FARP2: variants seen among roughly 807,000 people sequenced by gnomAD.
The protein encoded by FARP2 is FERM, ARH/RhoGEF and pleckstrin domain protein 2, also known as FERM, ARHGEF and pleckstrin domain-containing protein 2.
A neutral mutation model predicts 130.5 loss-of-function variants in FARP2; 111 were observed. That is an observed-to-expected ratio of 0.85 (90% confidence interval 0.73 to 1.00). The LOEUF (loss-of-function observed/expected upper bound fraction) is 1.00, where lower values mean the gene tolerates loss of function less well. Ranked by LOEUF, FARP2 falls within the 50% of genes least tolerant of loss-of-function variation. The probability of loss-of-function intolerance (pLI) is 0.00; values close to 1 mark genes in which losing one functional copy is unlikely to be tolerated. For missense variants in FARP2, 1,385 were observed against 1,346.3 expected, an observed-to-expected ratio of 1.03 and a Z score of -0.45; for synonymous variants, 504 against 516.9, an observed-to-expected ratio of 0.98 and a Z score of 0.34.
At chr2:241,366,315 G>A (rs879306704) in intron 1 of FARP2, among the ~76,000 whole-genome samples, 2 of 151,370 alleles carry the variant, frequency 1.3e-5, no homozygotes, top group Non-Finnish European at 2.9e-5. Context: ...GAAGTGTTGA[G>A]AATCAGTTAT....
At chr2:241,418,714 A>AG (rs764420492) in intron 8 of FARP2, among the ~76,000 whole-genome samples, 23 of 152,178 alleles carry the variant, frequency 1.5e-4, no homozygotes, top group Non-Finnish European at 3.1e-4. Context: ...ATTTGTGGTT[A>AG]TGTGTGTGTA....
chr2:241,366,131 A>ATACACATATATATATATGTGTG (rs2061313462), intron 1 of FARP2, among the ~76,000 whole-genome samples: 1 of 136,038 alleles, frequency 7.4e-6, no homozygotes, highest in Non-Finnish European at 1.6e-5. Context: ...ACGTATATAT[A>ATACACATATATATATATGTGTG]TATATATACA....
intron 8 of FARP2, among the ~76,000 whole-genome samples, chr2:241,430,017 G>A (rs759327653): frequency 6.6e-5 from 10 of 152,160 alleles, no homozygotes; most frequent in Admixed American, 2.0e-4. Context: ...CACTATGATG[G>A]TTGCCCAATG....
intron 2 of FARP2, among the ~76,000 whole-genome samples, chr2:241,388,631 C>G (rs1251716801): frequency 2.6e-5 from 4 of 152,066 alleles, no homozygotes; most frequent in African/African-American, 9.7e-5. Context: ...TTTAAAATAA[C>G]TCTTATAGCC....
At chr2:241,427,549 A>G (rs1035094984) in intron 8 of FARP2, among the ~76,000 whole-genome samples, 2 of 152,056 alleles carry the variant, frequency 1.3e-5, no homozygotes, top group African/African-American at 2.4e-5. Context: ...ATACTACACC[A>G]TTTTCTATCA....
intron 2 of FARP2, among the ~76,000 whole-genome samples, chr2:241,375,185 T>C (rs1184552079): frequency 1.3e-5 from 2 of 152,098 alleles, no homozygotes; most frequent in African/African-American, 4.8e-5. Context: ...TCCCCTGACC[T>C]CGTGATCCGC....
intron 2 of FARP2, among the ~76,000 whole-genome samples, chr2:241,378,887 A>G (rs1337499430): frequency 6.6e-6 from 1 of 152,190 alleles, no homozygotes; most frequent in Non-Finnish European, 1.5e-5. Context: ...TATCTAGGAA[A>G]GTCTTGATTT....
At chr2:241,481,037 A>T (rs1172254668) in intron 19 of FARP2, among the ~76,000 whole-genome samples, 2 of 143,072 alleles carry the variant, frequency 1.4e-5, no homozygotes, top group African/African-American at 5.3e-5. Context: ...TGGGCAACAT[A>T]CTGATACCTT....
intron 13 of FARP2, among the ~76,000 whole-genome samples, chr2:241,452,952 A>AG (rs2063703846): frequency 1.3e-5 from 2 of 151,606 alleles, no homozygotes; most frequent in African/African-American, 4.8e-5. Context: ...CAAAAAAAAA[A>AG]AAGAAAAATG....
Position 241,434,138 on chromosome 2 carries a change from C to T in FARP2, c.868-20C>T. The T allele has an allele frequency of 6.4e-7, 1 of 1,573,172 alleles. No homozygotes were observed. The highest frequency in any genetic ancestry group is 8.7e-7 in the Non-Finnish European group (1 of 1,155,874). On this transcript the variant is annotated intron_variant, in intron 9 of 26. Coordinates refer to ENST00000264042, the MANE Select transcript of FARP2 (RefSeq NM_014808.4). ...AATACTTCATTCTTGAATTAATTAA[C>T]CTTTGTGTTTTGTTTCTAGGGACCT...
At chr2:241,414,496 C>A (rs188981570) in intron 7 of FARP2, among the ~76,000 whole-genome samples, 6 of 152,320 alleles carry the variant, frequency 3.9e-5, no homozygotes, top group African/African-American at 1.4e-4. Flanking sequence ...TGCCCTTTCA[C>A]ACCTTCAAAG....
rs934448883 is a variant in FARP2 at position 241,459,568 on chromosome 2, A to G, written c.1587+2646A>G. Reference sequence around the variant, plus strand: ...ATCGGCCACAGTCGAAAGGTAGGAAAGCCAAAGGTGGCAGAAGCCTCTTCC... The same window carrying G: ...ATCGGCCACAGTCGAAAGGTAGGAAGGCCAAAGGTGGCAGAAGCCTCTTCC... On this transcript the variant is annotated intron_variant, in intron 14 of 26. Transcript: ENST00000264042. The surrounding 1 kb of genome is among the most constrained non-coding windows in gnomAD (Gnocchi z 5.3). 6.6e-6 allele frequency among the ~76,000 whole-genome samples: 1 copy of G among 152,234 alleles called. No homozygotes were observed. The highest frequency in any genetic ancestry group is 2.4e-5 in the African/African-American group (1 of 41,462).
intron 19 of FARP2, among the ~76,000 whole-genome samples, chr2:241,480,169 C>A (rs1297398151): frequency 1.3e-5 from 2 of 152,186 alleles, no homozygotes; most frequent in African/African-American, 2.4e-5. Context: ...TGCAGACTGA[C>A]CACCAGCTGC....
intron 13 of FARP2, chr2:241,442,119 GGGTC>G (rs1436798725): frequency 7.3e-6 from 3 of 409,172 alleles, no homozygotes; most frequent in Non-Finnish European, 1.5e-5. Context: ...AGCGCCTGCT[GGGTC>G]CTTCTGAGAC....
At chr2:241,490,477 T>C (rs889727509) in intron 22 of FARP2, among the ~76,000 whole-genome samples, 16 of 152,200 alleles carry the variant, frequency 1.1e-4, no homozygotes, top group African/African-American at 3.9e-4. Context: ...CCAGTCCCAG[T>C]GTGGTATAGA....
intron 15 of FARP2, among the ~76,000 whole-genome samples, 164 bp from the exon 16 acceptor site, chr2:241,463,171 G>A (rs762885448): frequency 6.6e-6 from 1 of 152,286 alleles, no homozygotes; most frequent in South Asian, 2.1e-4. Context: ...TTGAAAACTG[G>A]ATGGTCAACA....
intron 1 of FARP2, among the ~76,000 whole-genome samples, chr2:241,362,605 A>AAT (rs893218938): frequency 2.7e-4 from 41 of 151,764 alleles, no homozygotes; most frequent in South Asian, 1.5e-3. Flanking sequence ...CCATCTCAAA[A>AAT]ATATATATAT....
intron 2 of FARP2, among the ~76,000 whole-genome samples, chr2:241,402,836 T>TTATTTATA (rs2062206393): frequency 5.9e-5 from 1 of 16,840 alleles, no homozygotes; most frequent in Non-Finnish European, 1.1e-4. Context: ...CCCAGCTAAT[T>TTATTTATA]TATATATATA....
intron 13 of FARP2, 123 bp from the exon 14 acceptor site, chr2:241,456,624 C>T: frequency 1.2e-6 from 1 of 849,952 alleles, no homozygotes; most frequent in Non-Finnish European, 1.9e-6. Context: ...ACACATTTTA[C>T]AGGAAGCGCC....
Sources: gnomAD v4.1 joint callset for allele counts (sites outside exome capture counted in the v4.1 genomes callset) on GRCh38, gnomAD v4.1.1 for gene constraint, Gnocchi (gnomAD v3.1) non-coding constraint, MANE v1.5 for transcripts, NCBI Gene and HGNC (gene_info 2026-07-23, HGNC 2026-07-21) for gene names.